The following TMCC3 variants were observed in gnomAD, a reference collection of about 807,000 sequenced individuals.
TMCC3 encodes the protein transmembrane and coiled-coil domain family 3, also known as transmembrane and coiled-coil domain protein 3.
TMCC3 carries 28 observed loss-of-function variants against 40.2 expected under a neutral mutation model. The ratio of observed to expected loss-of-function variants is 0.70; its 90% CI spans 0.52 to 0.95. The LOEUF (loss-of-function observed/expected upper bound fraction) is 0.95, where lower values mean the gene tolerates loss of function less well. Among genes scored for constraint, TMCC3 ranks in the 40% least tolerant of loss-of-function variants. The pLI is 0.00. For synonymous variants in TMCC3, 255 were observed against 248.5 expected (o/e 1.03, Z -0.25); for missense variants, 554 against 615.2 (o/e 0.90, Z 1.05).
intron 1 of TMCC3, among the ~76,000 whole-genome samples, chr12:94,633,470 T>C (rs1389784118): frequency 6.6e-6 from 1 of 152,256 alleles, no homozygotes; most frequent in African/African-American, 2.4e-5. Context: ...TTGAAGCACT[T>C]AATAATTCAA....
chr12:94,571,769 G>A (rs768184680), intron 3 of TMCC3, 32 bp from the exon 4 acceptor site: 25 of 1,606,946 alleles, frequency 1.6e-5, no homozygotes, highest in East Asian at 4.5e-5. Flanking sequence ...AGGGTCAAAC[G>A]GTGTTGGGAT....
rs2138880819 is a variant in TMCC3, at chr12:94,636,268, A to G, written c.78+14085T>C. The stretch of plus-strand genomic sequence containing the variant: ...TATACAAAAATAAAAATCATAAAAT[A>G]TATTAGGAGAACATGGGCATGTGGG... On this transcript the variant is annotated intron_variant, in intron 1 of 3. Transcript: ENST00000261226. Among the ~76,000 whole-genome samples, 5 of 152,370 alleles carry G rather than the reference A, an allele frequency of 3.3e-5. No homozygotes were observed. The South Asian group carries it at 1.0e-3, about 32-fold the overall frequency.
intron 1 of TMCC3, among the ~76,000 whole-genome samples, chr12:94,600,933 G>A (rs1395110087): frequency 6.6e-6 from 1 of 152,008 alleles, no homozygotes; most frequent in Non-Finnish European, 1.5e-5. Flanking sequence ...ACCTATATAC[G>A]AACCCAATTT....
In TMCC3 at chr12:94,568,259, T is replaced by A. The variant is rs1362228455; in HGVS notation, c.*3176A>T. The A allele has an allele frequency of 1.1e-4, 12 of 106,098 alleles. No homozygotes were observed. The highest frequency in any genetic ancestry group is 1.0e-3 in the Admixed American group (12 of 11,636). The allele number at this position is 106,098 out of a possible 1,614,324, so 6.6% of individuals were successfully genotyped here. On this transcript the variant is annotated 3_prime_UTR_variant, in exon 4 of 4. Coordinates refer to ENST00000261226, the MANE Select transcript of TMCC3 (RefSeq NM_020698.4). ...TTTGCTGTTTCATTATGGATTTCCA[T>A]TTTTTTTTTTTTTTTTTGGCAGTTG...
chr12:94,646,477 C>T (rs1321500238), intron 1 of TMCC3, among the ~76,000 whole-genome samples: 2 of 121,182 alleles, frequency 1.7e-5, no homozygotes, highest in Non-Finnish European at 3.2e-5. Context: ...TCACTCTTGT[C>T]CCCCAGGCTG....
intron 3 of TMCC3, among the ~76,000 whole-genome samples, chr12:94,572,557 T>C (rs12298130): frequency 0.015 from 2,257 of 149,306 alleles, 30 homozygotes; most frequent in African/African-American, 0.039. Flanking sequence ...GTGATCTGCC[T>C]GCCATGGCCT....
Position 94,635,689 on chromosome 12 carries a change from G to A in TMCC3, c.78+14664C>T, listed in dbSNP as rs528561116. 3.5e-4 allele frequency among the ~76,000 whole-genome samples: 46 copies of A among 131,568 alleles called. 1 individual carries two copies. The highest frequency in any genetic ancestry group is 1.2e-3 in the African/African-American group (41 of 34,646). 86.3% of individuals were successfully genotyped at this position (131,568 alleles called of 152,430 possible). A position where few individuals can be genotyped will look rare whatever the true frequency, so the allele number is the denominator to read the frequency against. ...TTTTTTTTTTTTTTTTTTTTGAGACGGAGTCTGGCTCTGTTGCCCAGGCTG... is the reference window on the plus strand; with the variant it reads ...TTTTTTTTTTTTTTTTTTTTGAGACAGAGTCTGGCTCTGTTGCCCAGGCTG... On this transcript the variant is annotated intron_variant, in intron 1 of 3. Coordinates refer to ENST00000261226, the MANE Select transcript of TMCC3 (RefSeq NM_020698.4).
At chr12:94,643,801 G>A (rs1029727477) in intron 1 of TMCC3, among the ~76,000 whole-genome samples, 1 of 152,198 alleles carries the variant, frequency 6.6e-6, no homozygotes, top group Non-Finnish European at 1.5e-5. Flanking sequence ...TGTTCGCCAC[G>A]GAGGCAGACA....
chr12:94,581,526 T>C, intron 2 of TMCC3, 96 bp downstream of exon 2: 1 of 890,502 alleles, frequency 1.1e-6, no homozygotes, highest in East Asian at 3.4e-5. Flanking sequence ...TCCGTGGTAA[T>C]AAAAAAGTTT....
At chr12:94,587,911 TG>T (rs1342522911) in intron 1 of TMCC3, among the ~76,000 whole-genome samples, 1 of 152,226 alleles carries the variant, frequency 6.6e-6, no homozygotes, top group African/African-American at 2.4e-5. Flanking sequence ...CCAGAATACT[TG>T]GCTGTTATTA....
At chr12:94,600,164 T>G (rs1318337677) in intron 1 of TMCC3, among the ~76,000 whole-genome samples, 1 of 152,024 alleles carries the variant, frequency 6.6e-6, no homozygotes, top group Non-Finnish European at 1.5e-5. Flanking sequence ...TCCATGACCT[T>G]AGGGGTAAAC....
intron 1 of TMCC3, among the ~76,000 whole-genome samples, chr12:94,593,153 C>G (rs944030611): frequency 6.6e-6 from 1 of 150,666 alleles, no homozygotes; most frequent in African/African-American, 2.4e-5. Flanking sequence ...GCAGAGATTG[C>G]ACCACTGCAC....
At chr12:94,646,012 T>A (rs960039185) in intron 1 of TMCC3, among the ~76,000 whole-genome samples, 1 of 152,152 alleles carries the variant, frequency 6.6e-6, no homozygotes, top group African/African-American at 2.4e-5. Context: ...AACTAAGGCT[T>A]AGAGTGATTA....
Position 94,647,619 on chromosome 12 carries a change from TA to T in TMCC3, c.78+2733del, listed in dbSNP as rs1453017582. Among the ~76,000 whole-genome samples the T allele has an allele frequency of 8.5e-5, 13 of 152,310 alleles. No individual in the cohort carries two copies. The East Asian group carries it at 2.5e-3, about 29-fold the overall frequency. The stretch of plus-strand genomic sequence containing the variant: ...AATGAGTTCATAAAAGGGTTCTTTT[TA>T]AATCCTATACTAGTTTCCTCCCAAG... On this transcript the variant is annotated intron_variant, in intron 1 of 3. Coordinates refer to ENST00000261226, the MANE Select transcript of TMCC3 (RefSeq NM_020698.4).
At chr12:94,634,280 C>T (rs954712159) in intron 1 of TMCC3, among the ~76,000 whole-genome samples, 11 of 151,950 alleles carry the variant, frequency 7.2e-5, no homozygotes. Context: ...CTATCTGTTA[C>T]CATTCTAATT....
Position 94,610,981 on chromosome 12 carries a change from A to C in TMCC3, c.79-28443T>G, listed in dbSNP as rs576009384. On this transcript the variant is annotated intron_variant, in intron 1 of 3. Coordinates refer to ENST00000261226, the MANE Select transcript of TMCC3 (RefSeq NM_020698.4). ...GAGTAATTCATCTTATTTTCATATT[A>C]AAAAAAAATCCCCAGTGCCTGAATT... Among the ~76,000 whole-genome samples, 7 of 151,722 alleles carry C rather than the reference A, an allele frequency of 4.6e-5. No homozygotes were observed. In the South Asian group the frequency reaches 1.5e-3, roughly 32 times the overall value.
intron 1 of TMCC3, 91 bp from the exon 2 acceptor site, chr12:94,582,629 G>A: frequency 8.2e-7 from 1 of 1,214,924 alleles, no homozygotes; most frequent in Admixed American, 2.4e-5. Context: ...ATACATACAT[G>A]AAGTCCCAGT....
chr12:94,593,088 T>A (rs900315590), intron 1 of TMCC3, among the ~76,000 whole-genome samples: 2 of 151,598 alleles, frequency 1.3e-5, no homozygotes. Flanking sequence ...TCCCAGCTAA[T>A]CGAAAGGCTG....
Position 94,582,991 on chromosome 12 carries a change from TTTTA to T in TMCC3, c.79-457_79-454del, listed in dbSNP as rs1465449824. 2.1e-3 allele frequency among the ~76,000 whole-genome samples: 47 copies of T among 22,724 alleles called. 1 individual carries two copies. The African/African-American group carries it at 0.031, about 15-fold the overall frequency. 14.9% of individuals were successfully genotyped at this position (22,724 alleles called of 152,430 possible). A position where few individuals can be genotyped will look rare whatever the true frequency, so the allele number is the denominator to read the frequency against. On this transcript the variant is annotated intron_variant, in intron 1 of 3. Transcript: ENST00000261226. ...TTTTTTTTTTTTTTTTTTTTTTTTTTTTTAAAAAAGAAAGATGGGGAAAAATAGG... is the reference window on the plus strand; with the variant it reads ...TTTTTTTTTTTTTTTTTTTTTTTTTTAAAAAGAAAGATGGGGAAAAATAGG...
Sources: allele counts gnomAD v4.1 joint callset (sites outside exome capture counted in the v4.1 genomes callset), GRCh38; gene constraint gnomAD v4.1.1; transcripts MANE v1.5; gene names NCBI Gene and HGNC (gene_info 2026-07-23, HGNC 2026-07-21).